CEP170: variants seen among roughly 807,000 people sequenced by gnomAD.
CEP170 encodes the protein centrosomal protein 170, also known as centrosomal protein of 170 kDa.
In CEP170, 21 loss-of-function variants were observed where a neutral mutation model predicts 151.9. The observed-to-expected ratio is 0.14, with a 90% CI of 0.10 to 0.20. CEP170 has a LOEUF of 0.20. CEP170 is among the 10% of genes least tolerant of loss of function. The pLI is 1.00. For synonymous variants in CEP170, 356 were observed against 648.8 expected, an observed-to-expected ratio of 0.55 and a Z score of 6.86; for missense variants, 964 against 1,892.9, an observed-to-expected ratio of 0.51 and a Z score of 9.11.
chr1:243,241,651 G>C (rs1024462428), intron 1 of CEP170, among the ~76,000 whole-genome samples: 1 of 151,876 alleles, frequency 6.6e-6, no homozygotes, highest in Non-Finnish European at 1.5e-5. Flanking sequence ...TTAGCTGGGC[G>C]TGGTGGCAGG....
rs187069170 is a variant in CEP170, at chr1:243,165,736, T to C, written c.2224A>G (p.Lys742Glu). The stretch of plus-strand genomic sequence containing the variant: ...TGTTGAAGTTTTGCTAATGTTTGCT[T>C]TACCAAAGAAGTTTCCTTATCAGTT... ...SETDKETSLV[K>E]QTLAKLQQQE... The change falls in exon 13 of 20, where the codon AAG becomes GAG. Residue 742 changes from lysine (K) to glutamate (E), a missense_variant. Coordinates refer to ENST00000366542, the MANE Select transcript of CEP170 (RefSeq NM_014812.3). 1.2e-6 allele frequency: 2 copies of C among 1,614,086 alleles called. No homozygotes were observed. Among genetic ancestry groups the C allele is most frequent in the East Asian group, 2.2e-5 (1 of 44,892 alleles).
At chr1:243,235,554 C>T (rs1572566935) in intron 1 of CEP170, among the ~76,000 whole-genome samples, 1 of 151,998 alleles carries the variant, frequency 6.6e-6, no homozygotes, top group Non-Finnish European at 1.5e-5. Context: ...TCTGGAATGA[C>T]TACTCTAAAT....
At position 243,126,298 on chromosome 1, in the gene CEP170, T is replaced by G; in HGVS notation, c.*151A>C. ...TTGAAAGGATTGATATACTACATTA[T>G]ACGTCAAAAATAAATAAATAAAATT... is the stretch of plus-strand genomic sequence containing the variant. On this transcript the variant is annotated 3_prime_UTR_variant, in exon 20 of 20. Coordinates refer to ENST00000366542, the MANE Select transcript of CEP170 (RefSeq NM_014812.3). The G allele has an allele frequency of 1.2e-6, 1 of 833,972 alleles. No homozygotes were observed. Among genetic ancestry groups the G allele is most frequent in the Non-Finnish European group, 2.0e-6 (1 of 509,340 alleles). 51.7% of individuals were successfully genotyped at this position (833,972 alleles called of 1,614,324 possible). A position where few individuals can be genotyped will look rare whatever the true frequency, so the allele number is the denominator to read the frequency against.
chr1:243,214,680 C>G (rs2062117696), intron 3 of CEP170, among the ~76,000 whole-genome samples: 1 of 152,082 alleles, frequency 6.6e-6, no homozygotes, highest in Non-Finnish European at 1.5e-5. Context: ...TACTTGAGAT[C>G]TGGAATCAAC....
intron 11 of CEP170, among the ~76,000 whole-genome samples, chr1:243,170,362 C>A (rs1468520612): frequency 6.6e-6 from 1 of 150,856 alleles, no homozygotes; most frequent in Non-Finnish European, 1.5e-5. Flanking sequence ...TCCAGTCTGG[C>A]AACAGAGCGA....
chr1:243,173,805 A>G (rs539552923), intron 10 of CEP170, among the ~76,000 whole-genome samples: 1 of 151,954 alleles, frequency 6.6e-6, no homozygotes, highest in East Asian at 1.9e-4. Context: ...AGAAAAAAGT[A>G]TCTCTTCAGT....
At chr1:243,178,139 G>A (rs1286038653) in intron 10 of CEP170, among the ~76,000 whole-genome samples, 1 of 151,858 alleles carries the variant, frequency 6.6e-6, no homozygotes, top group African/African-American at 2.4e-5. Context: ...GACCAGCCTG[G>A]CCAACATGGC....
At chr1:243,141,163 CA>C (rs2055788197) in intron 15 of CEP170, among the ~76,000 whole-genome samples, 1 of 152,108 alleles carries the variant, frequency 6.6e-6, no homozygotes. Flanking sequence ...TTAAATTTGT[CA>C]AAAAGGCTAG....
chr1:243,185,200 G>A lies in CEP170; in HGVS notation c.1566+579C>T, dbSNP rs2059866831. Among the ~76,000 whole-genome samples the A allele has an allele frequency of 1.3e-5, 2 of 152,162 alleles. No individual in the cohort carries two copies. The highest frequency in any genetic ancestry group is 1.9e-4 in the East Asian group (1 of 5,192). On this transcript the variant is annotated intron_variant, in intron 10 of 19. Coordinates refer to ENST00000366542, the MANE Select transcript of CEP170 (RefSeq NM_014812.3). This position sits in a 1 kb window ranked among gnomAD's most constrained non-coding sequence, Gnocchi z 4.9. Reference sequence around the variant, plus strand: ...CACTTGAAATGTAGGTAACTATCACGACTGGTCATATACGTGGTTAAACTA... The same window carrying A: ...CACTTGAAATGTAGGTAACTATCACAACTGGTCATATACGTGGTTAAACTA...
chr1:243,179,603 T>C (rs1298685976), intron 10 of CEP170, among the ~76,000 whole-genome samples: 3 of 152,116 alleles, frequency 2.0e-5, no homozygotes, highest in African/African-American at 7.2e-5. Flanking sequence ...AAAAATTTCT[T>C]TGTGGGGGCA....
At chr1:243,225,815 A>G (rs1289512346) in intron 1 of CEP170, among the ~76,000 whole-genome samples, 2 of 152,050 alleles carry the variant, frequency 1.3e-5, no homozygotes, top group African/African-American at 4.8e-5. Flanking sequence ...TGTAAACCAC[A>G]GAATGCAATT....
At chr1:243,239,005 T>TA (rs2064531486) in intron 1 of CEP170, among the ~76,000 whole-genome samples, 2 of 152,226 alleles carry the variant, frequency 1.3e-5, no homozygotes, top group African/African-American at 4.8e-5. Flanking sequence ...GTTACTTCCC[T>TA]ATACATAATC....
intron 17 of CEP170, among the ~76,000 whole-genome samples, chr1:243,135,113 G>A (rs2054891115): frequency 6.6e-6 from 1 of 152,124 alleles, no homozygotes; most frequent in Admixed American, 6.5e-5. Context: ...AGACGGTGCA[G>A]AATACATTAC....
rs1468746275 is a variant in CEP170 at position 243,199,110 on chromosome 1, A to G, written c.581T>C (p.Phe194Ser). 6.2e-7 allele frequency: 1 copy of G among 1,611,972 alleles called. No homozygotes were observed. Among genetic ancestry groups the G allele is most frequent in the Non-Finnish European group, 8.5e-7 (1 of 1,178,824 alleles). ...TTCTTCAGGTTTGCCATTTGTCTTG[A>G]AAGCTCTTTTTTCATCCACCTCATC... ...GDDEVDEKRA[F>S]KTNGKPEEKN... The change falls in exon 7 of 20, where the codon TTC becomes TCC. Residue 194 changes from phenylalanine (F) to serine (S), a missense_variant. Physicochemically the swap from Phe to Ser is radical, Grantham distance 155. Transcript: ENST00000366542.
chr1:243,162,489 T>C (rs2058143728), intron 13 of CEP170, among the ~76,000 whole-genome samples: 1 of 152,220 alleles, frequency 6.6e-6, no homozygotes, highest in Non-Finnish European at 1.5e-5. Context: ...TCCTAGGGAA[T>C]TTCATACACA....
chr1:243,129,047 G>A (rs1015871851), intron 18 of CEP170, among the ~76,000 whole-genome samples: 2 of 151,794 alleles, frequency 1.3e-5, no homozygotes, highest in Non-Finnish European at 2.9e-5. Flanking sequence ...AAACGGAAAC[G>A]ACTTATGTCA....
chr1:243,247,116 A>C lies in CEP170; in HGVS notation c.-42+7924T>G, dbSNP rs368429772. 6.6e-5 allele frequency among the ~76,000 whole-genome samples: 10 copies of C among 152,256 alleles called. No homozygotes were observed. In the South Asian group the frequency reaches 1.9e-3, roughly 28 times the overall value. ...ACCCCTAACCAGTCCCTAAGCTTTGAATTTGCACTTTTTCTATTCCATGTA... is the reference window on the plus strand; with the variant it reads ...ACCCCTAACCAGTCCCTAAGCTTTGCATTTGCACTTTTTCTATTCCATGTA... On this transcript the variant is annotated intron_variant, in intron 1 of 19. Transcript: ENST00000366542.
chr1:243,155,331 A>G (rs2057450428), intron 14 of CEP170, among the ~76,000 whole-genome samples: 1 of 151,100 alleles, frequency 6.6e-6, no homozygotes, highest in Non-Finnish European at 1.5e-5. Context: ...AAGAACAAAA[A>G]AGATGAACAT....
At chr1:243,247,259 C>T (rs2065494743) in intron 1 of CEP170, among the ~76,000 whole-genome samples, 1 of 152,180 alleles carries the variant, frequency 6.6e-6, no homozygotes, top group South Asian at 2.1e-4. Context: ...AACTTGCTTA[C>T]TTTTCTACCT....
Sources: gnomAD v4.1 joint callset for allele counts (sites outside exome capture counted in the v4.1 genomes callset) on GRCh38, gnomAD v4.1.1 for gene constraint, Gnocchi (gnomAD v3.1) non-coding constraint, MANE v1.5 for transcripts, NCBI Gene and HGNC (gene_info 2026-07-23, HGNC 2026-07-21) for gene names.